CACNG7: variants seen among roughly 807,000 people sequenced by gnomAD.
The protein encoded by CACNG7 is voltage-dependent calcium channel gamma-7 subunit.
CACNG7 carries 9 observed loss-of-function variants against 26.3 expected under a neutral mutation model. That is an observed-to-expected ratio of 0.34 (90% CI 0.21 to 0.60). CACNG7 has a LOEUF of 0.60. Among genes scored for constraint, CACNG7 ranks in the 20% least tolerant of loss-of-function variants. The pLI is 0.81. For synonymous variants in CACNG7, 170 were observed against 157.0 expected, an observed-to-expected ratio of 1.08 and a Z score of -0.62; for missense variants, 297 against 380.4, an observed-to-expected ratio of 0.78 and a Z score of 1.82.
At chr19:53,916,066 A>C (rs929245586) in intron 4 of CACNG7, among the ~76,000 whole-genome samples, 4 of 152,242 alleles carry the variant, frequency 2.6e-5, no homozygotes, top group Admixed American at 2.6e-4. Context: ...ACAGGTCACT[A>C]GACTTGCATG....
chr19:53,938,271 C>A (rs1367792979), intron 4 of CACNG7, among the ~76,000 whole-genome samples: 1 of 152,072 alleles, frequency 6.6e-6, no homozygotes, highest in East Asian at 1.9e-4. Flanking sequence ...TTGCTTGAGC[C>A]AGGGAGGTGG....
intron 4 of CACNG7, among the ~76,000 whole-genome samples, chr19:53,938,030 G>T (rs1010006820): frequency 6.6e-6 from 1 of 152,012 alleles, no homozygotes; most frequent in Non-Finnish European, 1.5e-5. Context: ...TGAGCTTGAG[G>T]AGTTCAAGGA....
rs2069131575 is a variant in CACNG7 at position 53,940,659 on chromosome 19, TTA to T, written c.425-809_425-808del. Among the ~76,000 whole-genome samples, 1 of 152,182 alleles carries T rather than the reference TTA, an allele frequency of 6.6e-6. No homozygotes were observed. Among genetic ancestry groups the T allele is most frequent in the South Asian group, 2.1e-4 (1 of 4,834 alleles). On this transcript the variant is annotated intron_variant, in intron 4 of 5. Coordinates refer to ENST00000391767, the MANE Select transcript of CACNG7 (RefSeq NM_031896.5). This position sits in a 1 kb window ranked among gnomAD's most constrained non-coding sequence, Gnocchi z 4.1. ...TAACCTCATTTCTTGTGGCTACAGCTTATGTTACAGCTACATGGGTGGACCAG... is the reference window on the plus strand; with the variant it reads ...TAACCTCATTTCTTGTGGCTACAGCTTGTTACAGCTACATGGGTGGACCAG...
chr19:53,914,739 C>T (rs1008432750), intron 3 of CACNG7, among the ~76,000 whole-genome samples, 153 bp downstream of exon 3: 1 of 152,018 alleles, frequency 6.6e-6, no homozygotes, highest in Non-Finnish European at 1.5e-5. Flanking sequence ...TGGTGGCTCA[C>T]ACCTGTAATC....
Position 53,939,199 on chromosome 19 carries a change from G to T in CACNG7, c.425-2271G>T, listed in dbSNP as rs746911990. Among the ~76,000 whole-genome samples, 5 of 151,402 alleles carry T rather than the reference G, an allele frequency of 3.3e-5. No individual in the cohort carries two copies. The East Asian group carries it at 9.8e-4, about 30-fold the overall frequency. The stretch of plus-strand genomic sequence containing the variant: ...CTTGAGTCCAGGAGGCAGAGGTTGC[G>T]GTGAGCCGAGATTGCACCACTACAC... On this transcript the variant is annotated intron_variant, in intron 4 of 5. Coordinates refer to ENST00000391767, the MANE Select transcript of CACNG7 (RefSeq NM_031896.5). This position sits in a 1 kb window ranked among gnomAD's most constrained non-coding sequence, Gnocchi z 4.2.
At position 53,940,935 on chromosome 19, in the gene CACNG7, C is replaced by T. The variant is rs1320202973; in HGVS notation, c.425-535C>T. On this transcript the variant is annotated intron_variant, in intron 4 of 5. Transcript: ENST00000391767. The surrounding 1 kb of genome is among the most constrained non-coding windows in gnomAD (Gnocchi z 4.1). Reference sequence around the variant, plus strand: ...AATTAGTCGGGAGTGGTGGCGGGCGCCTGTAATCCCAGCTACTTGGGAGGC... The same window carrying T: ...AATTAGTCGGGAGTGGTGGCGGGCGTCTGTAATCCCAGCTACTTGGGAGGC... Among the ~76,000 whole-genome samples, 2 of 151,916 alleles carry T rather than the reference C, an allele frequency of 1.3e-5. No individual in the cohort carries two copies. Among genetic ancestry groups the T allele is most frequent in the Non-Finnish European group, 2.9e-5 (2 of 67,992 alleles).
chr19:53,913,232 C>A (rs57753162), intron 2 of CACNG7, among the ~76,000 whole-genome samples: 38 of 152,042 alleles, frequency 2.5e-4, no homozygotes, highest in Non-Finnish European at 5.1e-4. Flanking sequence ...CCCCTAACCC[C>A]TAAGGAATTC....
intron 4 of CACNG7, among the ~76,000 whole-genome samples, chr19:53,917,023 C>G (rs989925072): frequency 2.0e-4 from 31 of 152,188 alleles, no homozygotes; most frequent in Admixed American, 7.2e-4. Context: ...GTCTTGAACT[C>G]CTGGCCTCAA....
chr19:53,933,288 G>A (rs1449190566), intron 4 of CACNG7, among the ~76,000 whole-genome samples: 2 of 145,434 alleles, frequency 1.4e-5, no homozygotes, highest in African/African-American at 5.1e-5. Context: ...CCGCCACCAC[G>A]CCTGGCCAAT....
At chr19:53,924,290 C>G (rs903087887) in intron 4 of CACNG7, among the ~76,000 whole-genome samples, 84 of 141,254 alleles carry the variant, frequency 5.9e-4, no homozygotes, top group Non-Finnish European at 9.8e-4. Flanking sequence ...TTCCCCAGGT[C>G]TGGTCATTGG....
Position 53,921,937 on chromosome 19 carries a change from T to TCTGGTATTGGTGGAGTTGCCCCAGGC in CACNG7, c.424+6437_424+6438insATTGGTGGAGTTGCCCCAGGCCTGGT, listed in dbSNP as rs2068960198. Among the ~76,000 whole-genome samples, 2 of 58,176 alleles carry TCTGGTATTGGTGGAGTTGCCCCAGGC rather than the reference T, an allele frequency of 3.4e-5. 1 individual carries two copies. The highest frequency in any genetic ancestry group is 6.1e-5 in the Non-Finnish European group (2 of 32,622). 38.2% of individuals were successfully genotyped at this position (58,176 alleles called of 152,430 possible). A position where few individuals can be genotyped will look rare whatever the true frequency, so the allele number is the denominator to read the frequency against. On this transcript the variant is annotated intron_variant, in intron 4 of 5. Transcript: ENST00000391767. ...TGGTATTGGTGGAGTTGTCCCCAGG[T>TCTGGTATTGGTGGAGTTGCCCCAGGC]CTGGTCATTGGTGGAGTTGCCCCAG...
rs572936223 is a variant in CACNG7 at position 53,920,972 on chromosome 19, G to GT, written c.424+5467_424+5468insT. Among the ~76,000 whole-genome samples, 221 of 83,996 alleles carry GT rather than the reference G, an allele frequency of 2.6e-3. 1 individual carries two copies. Among genetic ancestry groups the GT allele is most frequent in the Non-Finnish European group, 3.5e-3 (161 of 45,412 alleles). 55.1% of individuals were successfully genotyped at this position (83,996 alleles called of 152,430 possible). ...CTGGTCATTGGTGGACTTGCCCCAGGCTGGTCATTGGTGGAGTTGCCCCAG... is the reference window on the plus strand; with the variant it reads ...CTGGTCATTGGTGGACTTGCCCCAGGTCTGGTCATTGGTGGAGTTGCCCCAG... On this transcript the variant is annotated intron_variant, in intron 4 of 5. Transcript: ENST00000391767.
At chr19:53,916,849 G>A (rs1370649316) in intron 4 of CACNG7, among the ~76,000 whole-genome samples, 1 of 147,276 alleles carries the variant, frequency 6.8e-6, no homozygotes, top group African/African-American at 2.5e-5. Flanking sequence ...CCAGGCTGGA[G>A]CCCACTGGCG....
At chr19:53,937,568 C>A (rs554758099) in intron 4 of CACNG7, among the ~76,000 whole-genome samples, 7 of 89,934 alleles carry the variant, frequency 7.8e-5, no homozygotes, top group South Asian at 4.9e-4. Flanking sequence ...TCTCCTCCCC[C>A]CTTCCCTTCC....
At chr19:53,911,649 TA>T (rs2068863169) in intron 1 of CACNG7, among the ~76,000 whole-genome samples, 1 of 152,116 alleles carries the variant, frequency 6.6e-6, no homozygotes, top group Admixed American at 6.6e-5. Flanking sequence ...TGAGATCGGC[TA>T]CCTGGGATGG....
At chr19:53,934,827 GAA>G (rs111319333) in intron 4 of CACNG7, among the ~76,000 whole-genome samples, 2 of 145,674 alleles carry the variant, frequency 1.4e-5, no homozygotes, top group East Asian at 2.0e-4. Flanking sequence ...TTAGCATTTT[GAA>G]AAAAAAAAAT....
chr19:53,934,864 A>G (rs532966870), intron 4 of CACNG7, among the ~76,000 whole-genome samples: 1 of 152,212 alleles, frequency 6.6e-6, no homozygotes, highest in African/African-American at 2.4e-5. Flanking sequence ...CTCGTATTTT[A>G]CATTTTTTAT....
chr19:53,925,230 G>A (rs141511412), intron 4 of CACNG7, among the ~76,000 whole-genome samples: 4,139 of 139,644 alleles, frequency 0.03, 306 homozygotes, highest in African/African-American at 0.078. Flanking sequence ...GGTCATTGGC[G>A]GACTTGCCCC....
intron 4 of CACNG7, among the ~76,000 whole-genome samples, chr19:53,925,401 C>T (rs1474028978): frequency 1.3e-5 from 2 of 149,706 alleles, no homozygotes; most frequent in African/African-American, 2.5e-5. Context: ...GGAGTTGCCC[C>T]AGGTCTGGTC....
Sources: allele counts gnomAD v4.1 joint callset (sites outside exome capture counted in the v4.1 genomes callset), GRCh38; gene constraint gnomAD v4.1.1; non-coding constraint Gnocchi (gnomAD v3.1); transcripts MANE v1.5; gene names NCBI Gene and HGNC (gene_info 2026-07-23, HGNC 2026-07-21).